LARP1B: variants seen among roughly 807,000 people sequenced by gnomAD.
LARP1B encodes La ribonucleoprotein 1B, also known as la-related protein 1B.
In LARP1B, 76 loss-of-function variants were observed where a neutral mutation model predicts 114.2. That is an observed-to-expected ratio of 0.67 (90% confidence interval 0.55 to 0.81). LARP1B has a LOEUF of 0.81. Ranked by LOEUF, LARP1B falls within the 30% of genes least tolerant of loss-of-function variation. The pLI is 0.00. For missense variants in LARP1B, 1,014 were observed against 1,075.8 expected, an observed-to-expected ratio of 0.94 and a Z score of 0.80; for synonymous variants, 345 against 348.0, an observed-to-expected ratio of 0.99 and a Z score of 0.10.
chr4:128,200,485 G>T (rs1194599329), intron 16 of LARP1B, 36 bp from the exon 17 acceptor site: 1 of 1,290,596 alleles, frequency 7.7e-7, no homozygotes. Context: ...TAAAAAGTAT[G>T]TTTAATAAAA....
intron 2 of LARP1B, 47 bp from the exon 3 acceptor site, chr4:128,074,887 A>T: frequency 5.3e-6 from 7 of 1,315,310 alleles, no homozygotes; most frequent in Non-Finnish European, 7.6e-6. Flanking sequence ...CCTGCTTAAA[A>T]TTTCTAAAAG....
At chr4:128,078,916 A>G (rs1465094925) in intron 4 of LARP1B, among the ~76,000 whole-genome samples, 2 of 152,144 alleles carry the variant, frequency 1.3e-5, no homozygotes, top group East Asian at 3.9e-4. Flanking sequence ...GACAACGTCC[A>G]TGGTATACAG....
chr4:128,206,554 A>G lies in LARP1B; in HGVS notation c.2419+17A>G. 6.3e-7 allele frequency: 1 copy of G among 1,592,986 alleles called. No individual in the cohort carries two copies. Reference sequence around the variant, plus strand: ...ACGAATCTGGTAACAATAACATCAGAAAACTTGTACTCTAATTGGAAATTG... The same window carrying G: ...ACGAATCTGGTAACAATAACATCAGGAAACTTGTACTCTAATTGGAAATTG... On this transcript the variant is annotated intron_variant, in intron 18 of 19. Coordinates refer to ENST00000326639, the MANE Select transcript of LARP1B (RefSeq NM_018078.4).
Position 128,077,867 on chromosome 4 carries a change from A to G in LARP1B, c.122A>G (p.Asn41Ser). The G allele has an allele frequency of 6.2e-7, 1 of 1,613,210 alleles. No homozygotes were observed. The highest frequency in any genetic ancestry group is 8.5e-7 in the Non-Finnish European group (1 of 1,179,492). The change falls in exon 4 of 20, where the codon AAC becomes AGC. Residue 41 changes from asparagine (N) to serine (S), a missense_variant. By Grantham distance (46) the Asn-to-Ser change is conservative. Transcript: ENST00000326639. Reference sequence around the variant, plus strand: ...GAAGAGAAGGTTGAAAAGAGAAGTAACAGTGACAGCAAAGAAAACCGGGAA... The same window carrying G: ...GAAGAGAAGGTTGAAAAGAGAAGTAGCAGTGACAGCAAAGAAAACCGGGAA... ...EKEEKVEKRS[N>S]SDSKENRETK...
At chr4:128,156,065 T>G in intron 11 of LARP1B, 1 of 1,592,470 alleles carries the variant, frequency 6.3e-7, no homozygotes. Context: ...ACACCCTCCC[T>G]AACTCCTTTC....
chr4:128,061,514 A>T (rs1021905955), intron 1 of LARP1B, 113 bp downstream of exon 1: 98 of 215,930 alleles, frequency 4.5e-4, no homozygotes, highest in African/African-American at 2.3e-3. Context: ...CGGTGCGGGG[A>T]GGGGCGTCAC....
intron 14 of LARP1B, 40 bp downstream of exon 14, chr4:128,178,682 A>G (rs1561506658): frequency 2.2e-6 from 3 of 1,379,744 alleles, no homozygotes; most frequent in East Asian, 2.3e-5. Context: ...TGCATTTTGT[A>G]TCCTTTAACA....
chr4:128,176,996 A>G (rs576539792), intron 13 of LARP1B, 89 bp downstream of exon 13: 4 of 1,131,248 alleles, frequency 3.5e-6, no homozygotes, highest in African/African-American at 3.0e-5. Context: ...TTCAGACAGA[A>G]GAAAAAGCAT....
At chr4:128,174,276 A>G (rs10213259) in intron 12 of LARP1B, among the ~76,000 whole-genome samples, 62,909 of 151,726 alleles carry the variant, frequency 0.41, 14,318 homozygotes, top group African/African-American at 0.6. Flanking sequence ...TATCTAGATG[A>G]TATTCATATA....
At chr4:128,105,080 T>G (rs1403710562) in intron 8 of LARP1B, among the ~76,000 whole-genome samples, 4 of 151,818 alleles carry the variant, frequency 2.6e-5, no homozygotes, top group African/African-American at 9.7e-5. Context: ...TTTTTTTGTT[T>G]TTTTTTTACA....
chr4:128,118,321 T>G (rs1336805654), intron 10 of LARP1B, among the ~76,000 whole-genome samples: 3 of 144,740 alleles, frequency 2.1e-5, no homozygotes, highest in Non-Finnish European at 4.5e-5. Context: ...AACCTTCACC[T>G]CCCGGGTTCA....
At chr4:128,194,221 C>T (rs1390979407) in intron 15 of LARP1B, among the ~76,000 whole-genome samples, 1 of 151,926 alleles carries the variant, frequency 6.6e-6, no homozygotes, top group Non-Finnish European at 1.5e-5. Flanking sequence ...TACAGGTGCC[C>T]GCTACCACAC....
At chr4:128,087,496 G>T (rs1156361321) in intron 5 of LARP1B, among the ~76,000 whole-genome samples, 1 of 152,002 alleles carries the variant, frequency 6.6e-6, no homozygotes, top group Non-Finnish European at 1.5e-5. Flanking sequence ...TGAAAGAATT[G>T]TTCAGTGAAT....
intron 8 of LARP1B, among the ~76,000 whole-genome samples, chr4:128,098,768 T>TATATATATATATATATATA (rs58280279): frequency 2.1e-4 from 4 of 18,860 alleles, no homozygotes; most frequent in African/African-American, 6.4e-4. Flanking sequence ...TATATATATA[T>TATATATATATATATATATA]TTTTTTTTTT....
chr4:128,213,673 G>A (rs1341175599), downstream of LARP1B, among the ~76,000 whole-genome samples: 1 of 152,030 alleles, frequency 6.6e-6, no homozygotes, highest in Non-Finnish European at 1.5e-5. Flanking sequence ...TTATTATTTT[G>A]CACAATTTTC....
intron 5 of LARP1B, among the ~76,000 whole-genome samples, chr4:128,086,597 G>A (rs1338452884): frequency 1.3e-5 from 2 of 152,000 alleles, no homozygotes; most frequent in African/African-American, 4.8e-5. Flanking sequence ...CCAAAGTGCT[G>A]GGATTAGAGG....
chr4:128,108,235 G>C (rs72922344), intron 9 of LARP1B: 1 of 1,133,624 alleles, frequency 8.8e-7, no homozygotes, highest in Admixed American at 4.6e-5. Context: ...GCAAGATTAT[G>C]TTTTCTGTTT....
intron 9 of LARP1B, chr4:128,108,788 T>G (rs1166540061): frequency 1.0e-6 from 1 of 984,952 alleles, no homozygotes; most frequent in Admixed American, 6.2e-5. Context: ...TTGGGTAAGT[T>G]AGATAAAATA....
chr4:128,068,316 C>CT (rs1293737063), intron 1 of LARP1B, among the ~76,000 whole-genome samples: 160 of 138,398 alleles, frequency 1.2e-3, no homozygotes, highest in Non-Finnish European at 1.3e-3. Flanking sequence ...CCACACCCGG[C>CT]TTTTTTTTTT....
Sources: allele counts gnomAD v4.1 joint callset (sites outside exome capture counted in the v4.1 genomes callset), GRCh38; gene constraint gnomAD v4.1.1; transcripts MANE v1.5; gene names NCBI Gene and HGNC (gene_info 2026-07-23, HGNC 2026-07-21).